The following MPPED1 variants were observed in gnomAD, a reference collection of about 807,000 sequenced individuals.
MPPED1 encodes metallophosphoesterase domain-containing protein 1.
Under a neutral mutation model 36.2 loss-of-function variants are expected in MPPED1, and 16 were observed. The observed-to-expected ratio is 0.44, with a 90% CI of 0.30 to 0.67. MPPED1 has a LOEUF of 0.67. Among genes scored for constraint, MPPED1 ranks in the 30% least tolerant of loss-of-function variants. The pLI is 0.10. For missense variants in MPPED1, 307 were observed against 453.4 expected, an observed-to-expected ratio of 0.68 and a Z score of 2.93; for synonymous variants, 199 against 191.3, an observed-to-expected ratio of 1.04 and a Z score of -0.33.
rs574922875 is a variant in MPPED1, at chr22:43,474,656, G to C, written c.407-80G>C. On this transcript the variant is annotated intron_variant, in intron 3 of 6. Coordinates refer to ENST00000443721, the MANE Select transcript of MPPED1 (RefSeq NM_001044370.2). The surrounding 1 kb of genome is among the most constrained non-coding windows in gnomAD (Gnocchi z 5.2). ...GAGTTCATGCAGCTTCCTCCTGCCC[G>C]CCCCTCTCTCAGCCGTGCTGTGGCT... 3 of 1,556,018 alleles carry C rather than the reference G, an allele frequency of 1.9e-6. No homozygotes were observed. Among genetic ancestry groups the C allele is most frequent in the African/African-American group, 1.4e-5 (1 of 71,632 alleles).
At chr22:43,462,215 G>T (rs919502692) in intron 3 of MPPED1, among the ~76,000 whole-genome samples, 1 of 152,214 alleles carries the variant, frequency 6.6e-6, no homozygotes. Context: ...ACAGAGTTGG[G>T]AAGTGGAAGA....
At chr22:43,425,362 C>T in intron 2 of MPPED1, 153 bp downstream of exon 2, 1 of 1,360,548 alleles carries the variant, frequency 7.3e-7, no homozygotes. Context: ...CATCGGGGCT[C>T]TGAGTTGGGA....
At chr22:43,501,688 G>A (rs73170081) in intron 5 of MPPED1, among the ~76,000 whole-genome samples, 7,778 of 152,244 alleles carry the variant, frequency 0.051, 222 homozygotes, top group African/African-American at 0.081. Context: ...TGAAACGGAG[G>A]CACAGAGAGG....
intron 6 of MPPED1, among the ~76,000 whole-genome samples, chr22:43,505,289 T>A (rs1033975045): frequency 2.0e-5 from 3 of 151,978 alleles, no homozygotes; most frequent in African/African-American, 7.3e-5. Flanking sequence ...CATAGATAAT[T>A]ATCTCATATA....
At chr22:43,497,495 A>G (rs1932456804) in intron 4 of MPPED1, among the ~76,000 whole-genome samples, 1 of 152,098 alleles carries the variant, frequency 6.6e-6, no homozygotes, top group South Asian at 2.1e-4. Flanking sequence ...CAGGGATGAT[A>G]GTATCCACTT....
intron 4 of MPPED1, among the ~76,000 whole-genome samples, chr22:43,493,751 C>A (rs1331187365): frequency 6.6e-6 from 1 of 152,122 alleles, no homozygotes; most frequent in Non-Finnish European, 1.5e-5. Flanking sequence ...ATTTTCCCAC[C>A]CCTGGTCCTC....
At chr22:43,427,861 A>C (rs1929532721) in intron 2 of MPPED1, among the ~76,000 whole-genome samples, 1 of 150,548 alleles carries the variant, frequency 6.6e-6, no homozygotes, top group African/African-American at 2.4e-5. Context: ...GCTGGTCCTC[A>C]CCCCCCGTGA....
chr22:43,500,177 G>GGCA lies in MPPED1; in HGVS notation c.748+1828_748+1829insCAG, dbSNP rs1204004928. ...TGGTGGTGGTGATGGTGATGGAGGT[G>GGCA]GTGGTGATGGTGATGGAGGTGGTAA... On this transcript the variant is annotated intron_variant, in intron 5 of 6. Coordinates refer to ENST00000443721, the MANE Select transcript of MPPED1 (RefSeq NM_001044370.2). Among the ~76,000 whole-genome samples the GGCA allele has an allele frequency of 3.3e-3, 262 of 78,422 alleles. 37 individuals are homozygous for GGCA. The highest frequency in any genetic ancestry group is 0.024 in the African/African-American group (241 of 10,230). The allele number at this position is 78,422 out of a possible 152,430, so 51.4% of individuals were successfully genotyped here. A position where few individuals can be genotyped will look rare whatever the true frequency, so the allele number is the denominator to read the frequency against.
chr22:43,443,032 G>T (rs1930206093), intron 3 of MPPED1, among the ~76,000 whole-genome samples: 1 of 152,226 alleles, frequency 6.6e-6, no homozygotes, highest in South Asian at 2.1e-4. Flanking sequence ...CCCTGCCTGG[G>T]TGGCCTGAGG....
chr22:43,497,602 G>C (rs150595239), intron 4 of MPPED1, among the ~76,000 whole-genome samples: 1 of 151,996 alleles, frequency 6.6e-6, no homozygotes, highest in Non-Finnish European at 1.5e-5. Flanking sequence ...GATGGGTCCA[G>C]GTCTTGGCTG....
Position 43,504,706 on chromosome 22 carries a change from G to C in MPPED1, c.863-792G>C, listed in dbSNP as rs547197800. ...AGCATTGGTGATAATGATGGTGATG[G>C]TGGTGGTGATAATGATGATGATAAT... is the stretch of plus-strand genomic sequence containing the variant. On this transcript the variant is annotated intron_variant, in intron 6 of 6. Transcript: ENST00000443721. Among the ~76,000 whole-genome samples, 348 of 152,044 alleles carry C rather than the reference G, an allele frequency of 2.3e-3. 1 individual carries two copies. The highest frequency in any genetic ancestry group is 0.014 in the Middle Eastern group (4 of 294).
intron 3 of MPPED1, among the ~76,000 whole-genome samples, chr22:43,457,219 A>G (rs948880545): frequency 2.0e-5 from 3 of 152,198 alleles, no homozygotes; most frequent in African/African-American, 7.2e-5. Flanking sequence ...ATCGCCAGTG[A>G]AGCCATCTGT....
intron 2 of MPPED1, among the ~76,000 whole-genome samples, chr22:43,431,490 C>T (rs1929686878): frequency 6.6e-6 from 1 of 152,164 alleles, no homozygotes; most frequent in Non-Finnish European, 1.5e-5. Context: ...TAGAGGCATT[C>T]AGTAAGATTT....
At chr22:43,497,788 C>T (rs962556922) in intron 4 of MPPED1, among the ~76,000 whole-genome samples, 3 of 146,300 alleles carry the variant, frequency 2.1e-5, no homozygotes, top group African/African-American at 8.3e-5. Flanking sequence ...GGTCCACACA[C>T]CCCACCTGGG....
chr22:43,443,913 T>A (rs1930238557), intron 3 of MPPED1, among the ~76,000 whole-genome samples: 7 of 152,202 alleles, frequency 4.6e-5, no homozygotes, highest in African/African-American at 1.7e-4. Context: ...GGGATTTTGG[T>A]TGCGTACGCA....
intron 1 of MPPED1, among the ~76,000 whole-genome samples, chr22:43,417,224 A>T (rs1341827196): frequency 1.3e-5 from 2 of 152,274 alleles, no homozygotes; most frequent in East Asian, 3.9e-4. Context: ...ATAGGGGCTA[A>T]TTTTCACTTT....
chr22:43,456,486 T>A (rs1930758479), intron 3 of MPPED1, among the ~76,000 whole-genome samples: 1 of 152,046 alleles, frequency 6.6e-6, no homozygotes, highest in Non-Finnish European at 1.5e-5. Flanking sequence ...CTATTCCCAG[T>A]TTGTTACGTG....
intron 2 of MPPED1, among the ~76,000 whole-genome samples, chr22:43,432,336 G>A (rs1401152309): frequency 7.4e-6 from 1 of 134,930 alleles, no homozygotes; most frequent in African/African-American, 3.0e-5. Context: ...GAGAAAGAGG[G>A]AAAGAGAGAA....
intron 2 of MPPED1, among the ~76,000 whole-genome samples, chr22:43,429,500 C>T (rs1050253619): frequency 1.3e-5 from 2 of 152,256 alleles, no homozygotes; most frequent in Admixed American, 6.5e-5. Context: ...CAGCTTTTTG[C>T]CCTGTGAGCA....
Sources: gnomAD v4.1 joint callset for allele counts (sites outside exome capture counted in the v4.1 genomes callset) on GRCh38, gnomAD v4.1.1 for gene constraint, Gnocchi (gnomAD v3.1) non-coding constraint, MANE v1.5 for transcripts, NCBI Gene and HGNC (gene_info 2026-07-23, HGNC 2026-07-21) for gene names.